C3orf33: variants seen among roughly 807,000 people sequenced by gnomAD.
C3orf33 encodes the protein mitochondrial inner membrane subdomain organizer 1.
A neutral mutation model predicts 28.7 loss-of-function variants in C3orf33; 23 were observed. That is an observed-to-expected ratio of 0.80 (90% CI 0.58 to 1.13). The LOEUF is 1.13. Among genes scored for constraint, C3orf33 ranks in the 50% most tolerant of loss-of-function variants. The probability of loss-of-function intolerance (pLI) is 0.00; values close to 1 mark genes in which losing one functional copy is unlikely to be tolerated. For missense variants in C3orf33, 327 were observed against 353.4 expected, an observed-to-expected ratio of 0.93 and a Z score of 0.60; for synonymous variants, 119 against 120.5, an observed-to-expected ratio of 0.99 and a Z score of 0.08.
Position 155,762,969 on chromosome 3 carries a change from C to G in C3orf33, c.*548G>C, listed in dbSNP as rs1444144929. The G allele has an allele frequency of 6.6e-6, 1 of 152,166 alleles. No individual in the cohort carries two copies. The highest frequency in any genetic ancestry group is 1.5e-5 in the Non-Finnish European group (1 of 68,128). 9.4% of individuals were successfully genotyped at this position (152,166 alleles called of 1,614,324 possible). A position where few individuals can be genotyped will look rare whatever the true frequency, so the allele number is the denominator to read the frequency against. ...TCTGAAGTCAAGAGTTTGAGACCAGCCTGACCAACATGGAGAAACCCCGTC... is the reference window on the plus strand; with the variant it reads ...TCTGAAGTCAAGAGTTTGAGACCAGGCTGACCAACATGGAGAAACCCCGTC... On this transcript the variant is annotated 3_prime_UTR_variant, in exon 5 of 5. Coordinates refer to ENST00000340171, the MANE Select transcript of C3orf33 (RefSeq NM_001308229.2).
chr3:155,796,846 A>C (rs905241008), intron 2 of C3orf33, among the ~76,000 whole-genome samples: 3 of 152,244 alleles, frequency 2.0e-5, no homozygotes, highest in Non-Finnish European at 2.9e-5. Flanking sequence ...CCAGGGATGC[A>C]AGGATGGTTC....
chr3:155,784,305 T>A (rs1031706199), intron 2 of C3orf33, among the ~76,000 whole-genome samples: 1 of 152,156 alleles, frequency 6.6e-6, no homozygotes, highest in Non-Finnish European at 1.5e-5. Flanking sequence ...GGAGTGGGGA[T>A]GATGTTCAAA....
At chr3:155,798,330 T>C (rs2109279959) in intron 2 of C3orf33, among the ~76,000 whole-genome samples, 1 of 152,226 alleles carries the variant, frequency 6.6e-6, no homozygotes, top group Non-Finnish European at 1.5e-5. Flanking sequence ...ATCCTGAGTA[T>C]AATGAACAAA....
At chr3:155,802,945 C>T (rs1751694643) in intron 1 of C3orf33, among the ~76,000 whole-genome samples, 1 of 152,086 alleles carries the variant, frequency 6.6e-6, no homozygotes, top group Non-Finnish European at 1.5e-5. Context: ...GGATTGTTCT[C>T]TACTGATCGT....
chr3:155,773,572 C>T (rs1197448125), intron 3 of C3orf33, among the ~76,000 whole-genome samples: 1 of 152,150 alleles, frequency 6.6e-6, no homozygotes, highest in Non-Finnish European at 1.5e-5. Flanking sequence ...CCCTTAGGCT[C>T]TAAAATTCAG....
At chr3:155,781,862 G>C (rs1750935059) in intron 2 of C3orf33, among the ~76,000 whole-genome samples, 1 of 149,430 alleles carries the variant, frequency 6.7e-6, no homozygotes, top group Non-Finnish European at 1.5e-5. Flanking sequence ...CAGATCACCA[G>C]GTCAGGGATC....
chr3:155,783,162 T>C (rs1466572030), intron 2 of C3orf33, among the ~76,000 whole-genome samples: 1 of 152,000 alleles, frequency 6.6e-6, no homozygotes, highest in African/African-American at 2.4e-5. Context: ...TCTACATTTT[T>C]TTTTTTTTTT....
At chr3:155,800,626 A>AAAAAAAAAAAAAAAAAAAAAAAAAAC in intron 2 of C3orf33, among the ~76,000 whole-genome samples, 1 of 146,756 alleles carries the variant, frequency 6.8e-6, no homozygotes, top group Non-Finnish European at 1.5e-5. Context: ...AAAAAAAAAA[A>AAAAAAAAAAAAAAAAAAAAAAAAAAC]AAAAAAAAAA....
At chr3:155,771,913 G>T (rs899139938) in intron 3 of C3orf33, among the ~76,000 whole-genome samples, 6 of 152,130 alleles carry the variant, frequency 3.9e-5, no homozygotes, top group Non-Finnish European at 7.4e-5. Context: ...CTATCAAAAA[G>T]GTAGAACTTG....
chr3:155,763,789 C>G lies in C3orf33; in HGVS notation c.613G>C (p.Glu205Gln), dbSNP rs780436730. The change falls in exon 5 of 5, where the codon GAA (glutamate) becomes CAA (glutamine). Residue 205 changes from glutamate (E) to glutamine (Q), a missense_variant. Physicochemically the swap from Glu to Gln is conservative, Grantham distance 29. Coordinates refer to ENST00000340171, the MANE Select transcript of C3orf33 (RefSeq NM_001308229.2). Reference sequence around the variant, plus strand: ...TCTCCTTTTTTTAAGGCTGTTAATTCAGCTTTAAGTAAGTTTCTGTGAACT... The same window carrying G: ...TCTCCTTTTTTTAAGGCTGTTAATTGAGCTTTAAGTAAGTTTCTGTGAACT... The part of the protein sequence containing the change: ...WTVHRNLLKA[E>Q]LTALKKGEGI... 6.2e-7 allele frequency: 1 copy of G among 1,605,762 alleles called. No individual in the cohort carries two copies.
At chr3:155,796,589 C>T (rs577441315) in intron 2 of C3orf33, among the ~76,000 whole-genome samples, 4 of 152,194 alleles carry the variant, frequency 2.6e-5, no homozygotes, top group East Asian at 1.9e-4. Flanking sequence ...TTTTACCAAA[C>T]GTTTAAGAGA....
In C3orf33 at chr3:155,763,658, T is replaced by C. The variant is rs376049300; in HGVS notation, c.744A>G (p.Ser248=). Residue 248 remains serine, a synonymous_variant, in exon 5 of 5, where the codon TCA becomes TCG. Coordinates refer to ENST00000340171, the MANE Select transcript of C3orf33 (RefSeq NM_001308229.2). ...AACTTTCTTTTTTCAAGCTGAAATC[T>C]GATCCTGTTGTTTTTAAAAAACTGT... The part of the protein sequence containing the change: ...KKDSFLKTTG[S]DFSLKKESYY... 2.1e-5 allele frequency: 33 copies of C among 1,595,006 alleles called. No individual in the cohort carries two copies. The African/African-American group carries it at 4.2e-4, about 20-fold the overall frequency.
intron 3 of C3orf33, among the ~76,000 whole-genome samples, chr3:155,769,654 T>C (rs1019993429): frequency 1.3e-5 from 2 of 152,110 alleles, no homozygotes; most frequent in Admixed American, 6.6e-5. Flanking sequence ...AGCCTGAAAA[T>C]TCTGAGGTCC....
chr3:155,805,780 C>T (rs1751791824), intron 1 of C3orf33: 5 of 490,474 alleles, frequency 1.0e-5, no homozygotes, highest in South Asian at 5.3e-5. Context: ...CCAAGGCGTA[C>T]AGGACTTCCC....
In C3orf33 at chr3:155,805,556, T is replaced by TA. The variant is rs201663106; in HGVS notation, c.114+582dup. 2,625 of 447,762 alleles carry TA rather than the reference T, an allele frequency of 5.9e-3. 64 individuals are homozygous for TA. The highest frequency in any genetic ancestry group is 0.049 in the African/African-American group (2,359 of 47,870). 27.7% of individuals were successfully genotyped at this position (447,762 alleles called of 1,614,324 possible). A position where few individuals can be genotyped will look rare whatever the true frequency, so the allele number is the denominator to read the frequency against. On this transcript the variant is annotated intron_variant, in intron 1 of 4. Coordinates refer to ENST00000340171, the MANE Select transcript of C3orf33 (RefSeq NM_001308229.2). ...ACAACATAGCAAGACTCCCAGTCTC[T>TA]AACTCTAAAAGAAAGTAGTCGATGG...
intron 2 of C3orf33, among the ~76,000 whole-genome samples, chr3:155,776,295 A>G (rs1370502154): frequency 1.3e-5 from 2 of 152,166 alleles, no homozygotes; most frequent in Non-Finnish European, 2.9e-5. Context: ...TTTTTTTACT[A>G]TCATTTTTTT....
At chr3:155,800,610 CAAAAAAA>C (rs58092818) in intron 2 of C3orf33, among the ~76,000 whole-genome samples, 46 of 15,628 alleles carry the variant, frequency 2.9e-3, no homozygotes, top group African/African-American at 6.5e-3. Context: ...ACCTTATCTC[CAAAAAAA>C]AAAAAAAAAA....
rs1439304995 is a variant in C3orf33 at position 155,763,599 on chromosome 3, C to T, written c.803G>A (p.Trp268Ter). Residue 268 changes from tryptophan (W) to a stop codon, truncating the protein, a stop_gained, in exon 5 of 5, where the codon TGG becomes TAG. Transcript: ENST00000340171. LOFTEE classifies it high-confidence loss of function. The part of the protein sequence containing the change: ...YEKLKRTYEI[W>*]KDNMNNCSLI... Reference sequence around the variant, plus strand: ...GGAGCAGTTGTTCATGTTGTCTTTCCATATTTCATAAGTCCTTTTAAGTTT... The same window carrying T: ...GGAGCAGTTGTTCATGTTGTCTTTCTATATTTCATAAGTCCTTTTAAGTTT... 6.3e-7 allele frequency: 1 copy of T among 1,586,160 alleles called. No individual in the cohort carries two copies. Among genetic ancestry groups the T allele is most frequent in the African/African-American group, 1.4e-5 (1 of 72,928 alleles).
At chr3:155,770,951 G>A (rs946394423) in intron 3 of C3orf33, among the ~76,000 whole-genome samples, 1 of 122,868 alleles carries the variant, frequency 8.1e-6, no homozygotes, top group Non-Finnish European at 1.7e-5. Context: ...TGGGATTACA[G>A]GCATGAACCA....
Sources: gnomAD v4.1 joint callset for allele counts (sites outside exome capture counted in the v4.1 genomes callset) on GRCh38, gnomAD v4.1.1 for gene constraint, MANE v1.5 for transcripts, NCBI Gene and HGNC (gene_info 2026-07-23, HGNC 2026-07-21) for gene names.